PPP1R8: variants seen among roughly 807,000 people sequenced by gnomAD.
PPP1R8 encodes the protein nuclear inhibitor of protein phosphatase 1.
In PPP1R8, 4 loss-of-function variants were observed where a neutral mutation model predicts 31.3. The observed-to-expected ratio is 0.13, with a 90% CI of 0.06 to 0.29. The LOEUF is 0.29. PPP1R8 is among the 10% of genes least tolerant of loss of function. The pLI is 1.00. For synonymous variants in PPP1R8, 170 were observed against 169.7 expected (o/e 1.00, Z -0.01); for missense variants, 254 against 440.1 (o/e 0.58, Z 3.78).
intron 5 of PPP1R8, 131 bp downstream of exon 5, chr1:27,843,461 A>C: frequency 5.5e-6 from 6 of 1,099,492 alleles, no homozygotes; most frequent in Non-Finnish European, 8.0e-6. Context: ...GTTCAAGACT[A>C]GCCTGGCCAA....
intron 6 of PPP1R8, among the ~76,000 whole-genome samples, chr1:27,849,371 CA>C (rs544902286): frequency 0.2 from 15,495 of 77,444 alleles, 1,911 homozygotes; most frequent in African/African-American, 0.43. Context: ...AACTCTGTCT[CA>C]AAAAAAAAAA....
Position 27,838,838 on chromosome 1 carries a change from T to C in PPP1R8, c.257T>C (p.Ile86Thr). The change falls in exon 3 of 7, where the codon ATA (isoleucine) becomes ACA (threonine). Residue 86 changes from isoleucine (I) to threonine (T), a missense_variant. By Grantham distance (89) the Ile-to-Thr change is moderately conservative. Around this residue, in one of 6 missense-constraint regions of PPP1R8, gnomAD observed 52 missense variants for 145.3 expected, o/e 0.36. Transcript: ENST00000311772. Reference sequence around the variant, plus strand: ...AAGCATCTGAAGAGAGTTTTCCTGATAGATCTCAACAGTAGTAAGTAACTC... The same window carrying C: ...AAGCATCTGAAGAGAGTTTTCCTGACAGATCTCAACAGTAGTAAGTAACTC... Reference protein sequence around the residue: ...YHKHLKRVFLIDLNSTHGTFL... With the variant: ...YHKHLKRVFLTDLNSTHGTFL... The C allele has an allele frequency of 1.2e-6, 2 of 1,606,386 alleles. No individual in the cohort carries two copies. The highest frequency in any genetic ancestry group is 1.7e-5 in the Admixed American group (1 of 58,344).
In PPP1R8 at chr1:27,838,871, A is replaced by G. The variant is rs749412685; in HGVS notation, c.271+19A>G. 4.9e-5 allele frequency: 76 copies of G among 1,545,856 alleles called. No homozygotes were observed. The highest frequency in any genetic ancestry group is 1.7e-4 in the Middle Eastern group (1 of 5,776). ...AACAGTAGTAAGTAACTCCCTCCCA[A>G]TTCACATGTTACCTTTAGGCAATAT... On this transcript the variant is annotated intron_variant, in intron 3 of 6. Coordinates refer to ENST00000311772, the MANE Select transcript of PPP1R8 (RefSeq NM_014110.5).
intron 4 of PPP1R8, 150 bp downstream of exon 4, chr1:27,841,384 G>A (rs2089221241): frequency 1.3e-6 from 1 of 762,706 alleles, no homozygotes; most frequent in East Asian, 2.8e-5. Context: ...GGTGTGGCCA[G>A]CTGTGACAGC....
At chr1:27,835,028 T>G (rs995037865) in intron 2 of PPP1R8, among the ~76,000 whole-genome samples, 6 of 152,032 alleles carry the variant, frequency 3.9e-5, no homozygotes, top group African/African-American at 1.4e-4. Context: ...AAAAAAAAAA[T>G]TCATTCATTT....
intron 6 of PPP1R8, among the ~76,000 whole-genome samples, chr1:27,847,764 A>C (rs151169978): frequency 1.3e-4 from 20 of 152,182 alleles, no homozygotes; most frequent in African/African-American, 4.8e-4. Context: ...TGTGCTGTTG[A>C]GTGAGTGCTT....
At chr1:27,839,840 C>T (rs2089205807) in intron 3 of PPP1R8, among the ~76,000 whole-genome samples, 2 of 152,106 alleles carry the variant, frequency 1.3e-5, no homozygotes, top group African/African-American at 2.4e-5. Flanking sequence ...CAGTGAATCT[C>T]TCAAGCCCAG....
At chr1:27,842,228 G>A (rs777811707) in intron 4 of PPP1R8, among the ~76,000 whole-genome samples, 16 of 151,896 alleles carry the variant, frequency 1.1e-4, no homozygotes, top group Non-Finnish European at 2.1e-4. Context: ...TGTAATCCCA[G>A]CTACTCAGGA....
chr1:27,843,855 A>C (rs537691886), intron 5 of PPP1R8, among the ~76,000 whole-genome samples: 1 of 152,332 alleles, frequency 6.6e-6, no homozygotes, highest in Admixed American at 6.5e-5. Flanking sequence ...CAGGAAGCTG[A>C]GGCAGGAGAA....
Position 27,830,874 on chromosome 1 carries a change from G to A in PPP1R8, c.39G>A (p.Leu13=). 1.3e-6 allele frequency: 2 copies of A among 1,573,456 alleles called. No homozygotes were observed. Among genetic ancestry groups the A allele is most frequent in the African/African-American group, 1.3e-5 (1 of 74,094 alleles). Residue 13 remains leucine, a synonymous_variant, in exon 1 of 7, where the codon CTG becomes CTA. Transcript: ENST00000311772. Reference sequence around the variant, plus strand: ...CGAACTCCGGCTCTAGCCTCCCGCTGTTCGACTGCCCAACCTGGTGAGTGG... The same window carrying A: ...CGAACTCCGGCTCTAGCCTCCCGCTATTCGACTGCCCAACCTGGTGAGTGG... ...AAANSGSSLP[L]FDCPTWAGKP...
intron 5 of PPP1R8, among the ~76,000 whole-genome samples, chr1:27,845,789 T>C (rs1029766380): frequency 7.8e-5 from 10 of 128,898 alleles, no homozygotes; most frequent in African/African-American, 3.1e-4. Flanking sequence ...CTTTCTTTTT[T>C]TTTTTTTTTT....
intron 6 of PPP1R8, among the ~76,000 whole-genome samples, chr1:27,848,141 G>A (rs912421500): frequency 6.6e-6 from 1 of 152,104 alleles, no homozygotes; most frequent in Non-Finnish European, 1.5e-5. Context: ...GGTGGCTCAC[G>A]CCTGTAATCC....
rs560609206 is a variant in PPP1R8 at position 27,845,827 on chromosome 1, T to C, written c.638-1201T>C. 9.7e-5 allele frequency among the ~76,000 whole-genome samples: 14 copies of C among 144,916 alleles called. No individual in the cohort carries two copies. The South Asian group carries it at 3.2e-3, about 33-fold the overall frequency. On this transcript the variant is annotated intron_variant, in intron 5 of 6. Coordinates refer to ENST00000311772, the MANE Select transcript of PPP1R8 (RefSeq NM_014110.5). ...TTTTTTGAGACGGAGTCTCCTTCTG[T>C]CGCCCAGGCTGGAGTGCAGTGGCGT... is the stretch of plus-strand genomic sequence containing the variant.
intron 5 of PPP1R8, among the ~76,000 whole-genome samples, chr1:27,846,076 C>T (rs1179447813): frequency 6.6e-6 from 1 of 152,138 alleles, no homozygotes; most frequent in African/African-American, 2.4e-5. Context: ...AGGCGTGAGC[C>T]ACCGCACCCG....
At chr1:27,831,911 C>T (rs1022441354) in intron 1 of PPP1R8, among the ~76,000 whole-genome samples, 1 of 152,176 alleles carries the variant, frequency 6.6e-6, no homozygotes, top group Non-Finnish European at 1.5e-5. Flanking sequence ...TTCAAATTAG[C>T]AAACCCAAAA....
chr1:27,832,739 C>A lies in PPP1R8; in HGVS notation c.57-17C>A. ...AAACCCATCCTGAAAATGCTTTTTTCTATTTTTATTTTTCAGGGCAGGTAA... is the reference window on the plus strand; with the variant it reads ...AAACCCATCCTGAAAATGCTTTTTTATATTTTTATTTTTCAGGGCAGGTAA... On this transcript the variant is annotated splice_polypyrimidine_tract_variant and intron_variant, in intron 1 of 6. Transcript: ENST00000311772. 1 of 1,600,462 alleles carries A rather than the reference C, an allele frequency of 6.2e-7. No homozygotes were observed. The highest frequency in any genetic ancestry group is 8.5e-7 in the Non-Finnish European group (1 of 1,172,542).
intron 5 of PPP1R8, among the ~76,000 whole-genome samples, chr1:27,843,886 G>A (rs567722455): frequency 1.3e-5 from 2 of 152,356 alleles, no homozygotes; most frequent in East Asian, 3.9e-4. Flanking sequence ...CTGGGAGGCA[G>A]AGGTTGCAGT....
intron 2 of PPP1R8, among the ~76,000 whole-genome samples, chr1:27,833,223 T>C (rs769061761): frequency 1.3e-5 from 2 of 152,282 alleles, no homozygotes; most frequent in South Asian, 4.1e-4. Flanking sequence ...CAACTCCTTA[T>C]AAGAAGTATG....
Position 27,847,826 on chromosome 1 carries a change from G to A in PPP1R8, c.702+734G>A, listed in dbSNP as rs2089300597. On this transcript the variant is annotated intron_variant, in intron 6 of 6. Transcript: ENST00000311772. ...CTCCCATTTCTCATTCTGTGGAAAT[G>A]AAATCTATGTTTAGGGAATCCTGGA... Among the ~76,000 whole-genome samples, 3 of 152,186 alleles carry A rather than the reference G, an allele frequency of 2.0e-5. No homozygotes were observed. In the South Asian group the frequency reaches 6.2e-4, roughly 31 times the overall value.
Sources: gnomAD v4.1 joint callset for allele counts (sites outside exome capture counted in the v4.1 genomes callset) on GRCh38, gnomAD v4.1.1 for gene constraint, gnomAD v4.1.1 regional missense constraint, MANE v1.5 for transcripts, NCBI Gene and HGNC (gene_info 2026-07-23, HGNC 2026-07-21) for gene names.